The following EPHA4 variants were observed in gnomAD, a reference collection of about 807,000 sequenced individuals.
EPHA4 encodes ephrin type-A receptor 4.
Under a neutral mutation model 108.3 loss-of-function variants are expected in EPHA4, and 19 were observed. The ratio of observed to expected loss-of-function variants is 0.18; its 90% confidence interval spans 0.12 to 0.26. The LOEUF is 0.26. EPHA4 is among the 10% of genes least tolerant of loss of function. The probability of loss-of-function intolerance (pLI) is 1.00; values close to 1 mark genes in which losing one functional copy is unlikely to be tolerated. For missense variants in EPHA4, 917 were observed against 1,254.0 expected, an observed-to-expected ratio of 0.73 and a Z score of 4.06; for synonymous variants, 449 against 455.5, an observed-to-expected ratio of 0.99 and a Z score of 0.18.
chr2:221,426,559 G>T lies in EPHA4; in HGVS notation c.2751C>A (p.Gly917=), dbSNP rs148626608. 1.2e-6 allele frequency: 2 copies of T among 1,614,022 alleles called. No individual in the cohort carries two copies. The highest frequency in any genetic ancestry group is 2.2e-5 in the East Asian group (1 of 44,866). The change falls in exon 16 of 18, where the codon GGC becomes GGA. Residue 917 remains glycine, a synonymous_variant. Coordinates refer to ENST00000281821, the MANE Select transcript of EPHA4 (RefSeq NM_004438.5). The part of the protein sequence containing the change: ...SPEFSAVVSV[G]DWLQAIKMDR... ...CCATTTTAATGGCCTGGAGCCAATC[G>T]CCCACTGATACCACAGCAGAGAATT...
chr2:221,515,377 G>A (rs925809031), intron 3 of EPHA4, among the ~76,000 whole-genome samples: 2 of 152,198 alleles, frequency 1.3e-5, no homozygotes, highest in African/African-American at 4.8e-5. Flanking sequence ...TTACAGGCAT[G>A]AGCCACCACG....
intron 5 of EPHA4, among the ~76,000 whole-genome samples, chr2:221,469,018 C>T (rs1488168082): frequency 3.9e-5 from 6 of 152,172 alleles, no homozygotes; most frequent in African/African-American, 1.4e-4. Context: ...ATGGGCAAAA[C>T]ATTAATATAC....
At position 221,564,184 on chromosome 2, in the gene EPHA4, G is replaced by A. The variant is rs1694555724; in HGVS notation, c.370C>T (p.Leu124=). The change falls in exon 3 of 18, where the codon CTG becomes TTG. Residue 124 remains leucine (L), a synonymous_variant. Coordinates refer to ENST00000281821, the MANE Select transcript of EPHA4 (RefSeq NM_004438.5). ...VMGTCKETFN[L]YYYESDNDKE... Reference sequence around the variant, plus strand: ...TCGTTGTCTGATTCATAGTAGTACAGGTTAAACGTCTCCTTGCAAGTCCCC... The same window carrying A: ...TCGTTGTCTGATTCATAGTAGTACAAGTTAAACGTCTCCTTGCAAGTCCCC... 1.9e-6 allele frequency: 3 copies of A among 1,614,088 alleles called. No individual in the cohort carries two copies. Among genetic ancestry groups the A allele is most frequent in the Non-Finnish European group, 2.5e-6 (3 of 1,179,996 alleles).
At chr2:221,558,448 T>G (rs942123810) in intron 3 of EPHA4, among the ~76,000 whole-genome samples, 16 of 152,136 alleles carry the variant, frequency 1.1e-4, no homozygotes, top group Non-Finnish European at 1.5e-4. Flanking sequence ...CCCCCGCCAT[T>G]AACTAGTAAA....
intron 3 of EPHA4, among the ~76,000 whole-genome samples, chr2:221,528,466 T>C (rs993267881): frequency 6.6e-6 from 1 of 152,234 alleles, no homozygotes; most frequent in Non-Finnish European, 1.5e-5. Flanking sequence ...AGCCACCAAC[T>C]GCTCACCTTA....
chr2:221,535,582 T>C (rs1193977733), intron 3 of EPHA4, among the ~76,000 whole-genome samples: 1 of 151,530 alleles, frequency 6.6e-6, no homozygotes, highest in Non-Finnish European at 1.5e-5. Context: ...CACTTCTTTT[T>C]TTCTGTTTTT....
At chr2:221,534,076 G>A (rs2106185316) in intron 3 of EPHA4, among the ~76,000 whole-genome samples, 1 of 152,264 alleles carries the variant, frequency 6.6e-6, no homozygotes, top group South Asian at 2.1e-4. Flanking sequence ...TTGAATCTAG[G>A]TAGGCAGGGA....
chr2:221,547,058 G>C (rs574286437), intron 3 of EPHA4, among the ~76,000 whole-genome samples: 1 of 152,262 alleles, frequency 6.6e-6, no homozygotes, highest in South Asian at 2.1e-4. Flanking sequence ...AATACAACAG[G>C]GGAAGGTGAG....
intron 9 of EPHA4, 71 bp downstream of exon 9, chr2:221,446,052 T>C: frequency 5.3e-6 from 5 of 942,832 alleles, no homozygotes; most frequent in Non-Finnish European, 7.7e-6. Context: ...TAAATATTAT[T>C]TGAACATGTT....
intron 5 of EPHA4, among the ~76,000 whole-genome samples, chr2:221,460,379 C>A (rs1234109086): frequency 1.3e-5 from 2 of 152,104 alleles, no homozygotes; most frequent in African/African-American, 4.8e-5. Flanking sequence ...ATCAATTCAA[C>A]CAAGGAAAAG....
In EPHA4 at chr2:221,448,814, A is replaced by G. The variant is rs1690678986; in HGVS notation, c.1716-2633T>C. Among the ~76,000 whole-genome samples the G allele has an allele frequency of 2.0e-5, 3 of 152,326 alleles. No homozygotes were observed. The South Asian group carries it at 6.2e-4, about 32-fold the overall frequency. ...GAAAAACAAATGCATAGAGTGAGAA[A>G]GCTTTGGTACCAACTTAAAATTGTC... On this transcript the variant is annotated intron_variant, in intron 8 of 17. Transcript: ENST00000281821.
chr2:221,521,896 G>A (rs567712642), intron 3 of EPHA4, among the ~76,000 whole-genome samples: 1 of 152,308 alleles, frequency 6.6e-6, no homozygotes, highest in East Asian at 1.9e-4. Flanking sequence ...AGAATCGCTT[G>A]AACCCAGGTG....
chr2:221,444,043 A>G (rs533083296), intron 9 of EPHA4, among the ~76,000 whole-genome samples: 1 of 152,358 alleles, frequency 6.6e-6, no homozygotes, highest in Admixed American at 6.5e-5. Context: ...ATTTTGCCCA[A>G]TATCTGGATG....
At chr2:221,456,821 T>G in intron 6 of EPHA4, 49 bp from the exon 7 acceptor site, 1 of 1,605,142 alleles carries the variant, frequency 6.2e-7, no homozygotes, top group Non-Finnish European at 8.5e-7. Flanking sequence ...ATAAATCTCC[T>G]GCTTACTTAC....
chr2:221,432,084 A>C (rs1202146387), intron 14 of EPHA4, among the ~76,000 whole-genome samples: 1 of 151,262 alleles, frequency 6.6e-6, no homozygotes, highest in African/African-American at 2.4e-5. Context: ...AAAGCCAGAG[A>C]ACTGAAAGTT....
chr2:221,489,357 T>G (rs372872225), intron 4 of EPHA4, among the ~76,000 whole-genome samples: 1 of 152,244 alleles, frequency 6.6e-6, no homozygotes, highest in East Asian at 1.9e-4. Context: ...TCGTAACGAC[T>G]GGAATTAAAG....
At chr2:221,557,807 C>T (rs887826440) in intron 3 of EPHA4, among the ~76,000 whole-genome samples, 2 of 152,278 alleles carry the variant, frequency 1.3e-5, no homozygotes, top group African/African-American at 2.4e-5. Flanking sequence ...ACCAAATAAT[C>T]GATGTTACTA....
rs144077503 is a variant in EPHA4 at position 221,458,459 on chromosome 2, G to A, written c.1319-469C>T. On this transcript the variant is annotated intron_variant, in intron 5 of 17. Transcript: ENST00000281821. ...AATGTACAAGTCTTCAATAAGTACT[G>A]TAGGGAATGCCAAAAGGGAAACAAT... Among the ~76,000 whole-genome samples the A allele has an allele frequency of 2.0e-3, 299 of 152,278 alleles. 1 individual carries two copies. The highest frequency in any genetic ancestry group is 7.0e-3 in the African/African-American group (291 of 41,556).
Position 221,482,709 on chromosome 2 carries a change from A to T in EPHA4, c.980-19T>A. On this transcript the variant is annotated intron_variant, in intron 4 of 17. Coordinates refer to ENST00000281821, the MANE Select transcript of EPHA4 (RefSeq NM_004438.5). ...GGTGGACCTGGAGAAAGAAAACCAC[A>T]TCATCACACCAAGAACCGAAATACC... 6.4e-7 allele frequency: 1 copy of T among 1,565,564 alleles called. No individual in the cohort carries two copies. Among genetic ancestry groups the T allele is most frequent in the Non-Finnish European group, 8.7e-7 (1 of 1,149,778 alleles).
Sources: allele counts gnomAD v4.1 joint callset (sites outside exome capture counted in the v4.1 genomes callset), GRCh38; gene constraint gnomAD v4.1.1; transcripts MANE v1.5; gene names NCBI Gene and HGNC (gene_info 2026-07-23, HGNC 2026-07-21).